The following PCM1 variants were observed in gnomAD, a reference collection of about 807,000 sequenced individuals.
PCM1 encodes pericentriolar material 1.
A neutral mutation model predicts 241.9 loss-of-function variants in PCM1; 157 were observed. The ratio of observed to expected loss-of-function variants is 0.65; its 90% confidence interval spans 0.57 to 0.74. The LOEUF (loss-of-function observed/expected upper bound fraction) is 0.74. Ranked by LOEUF, PCM1 falls within the 30% of genes least tolerant of loss-of-function variation. The pLI is 0.00. For missense variants in PCM1, 3,478 were observed against 2,360.1 expected (o/e 1.47, Z -9.81); for synonymous variants, 1,085 against 784.9 (o/e 1.38, Z -6.39).
At chr8:17,937,413 C>T in intron 4 of PCM1, 34 bp downstream of exon 4, 1 of 1,492,016 alleles carries the variant, frequency 6.7e-7, no homozygotes. Context: ...GAAGCTATTA[C>T]TGTGAGAAAT....
rs762365324 is a variant in PCM1, at chr8:17,980,775, G to A, written c.4108+20G>A. 4 of 1,571,792 alleles carry A rather than the reference G, an allele frequency of 2.5e-6. No homozygotes were observed. The South Asian group carries it at 4.6e-5, about 18-fold the overall frequency. Reference sequence around the variant, plus strand: ...CTTCAGGTATGTTCTTTTTTGGTTTGCATTAATATAAGGAGGTTTTCAGCT... The same window carrying A: ...CTTCAGGTATGTTCTTTTTTGGTTTACATTAATATAAGGAGGTTTTCAGCT... On this transcript the variant is annotated intron_variant, in intron 24 of 38. Coordinates refer to ENST00000325083, the MANE Select transcript of PCM1 (RefSeq NM_006197.4).
intron 21 of PCM1, 54 bp downstream of exon 21, chr8:17,967,224 C>T (rs73571766): frequency 0.023 from 29,429 of 1,290,444 alleles, 555 homozygotes; most frequent in African/African-American, 0.062. Context: ...TTTGGAACAA[C>T]GTAATTTGTC....
chr8:17,991,072 C>T (rs1015277748), intron 27 of PCM1, among the ~76,000 whole-genome samples: 5 of 151,422 alleles, frequency 3.3e-5, no homozygotes, highest in African/African-American at 1.2e-4. Flanking sequence ...TACAAACCTG[C>T]ACCAGTAGCT....
In PCM1 at chr8:18,029,291, A is replaced by T. The variant is rs2094402344; in HGVS notation, c.*1629A>T. The T allele has an allele frequency of 4.6e-6, 1 of 216,132 alleles. No homozygotes were observed. The highest frequency in any genetic ancestry group is 1.9e-4 in the South Asian group (1 of 5,388). The allele number at this position is 216,132 out of a possible 1,614,324, so 13.4% of individuals were successfully genotyped here. A position where few individuals can be genotyped will look rare whatever the true frequency, so the allele number is the denominator to read the frequency against. ...CTACTTAAATTATGGAAGACAATAT[A>T]TCTTCAACTTTAATAAAACCTATTC... On this transcript the variant is annotated 3_prime_UTR_variant, in exon 39 of 39. Transcript: ENST00000325083.
intron 29 of PCM1, among the ~76,000 whole-genome samples, chr8:17,997,103 A>G (rs765325001): frequency 1.3e-5 from 2 of 151,800 alleles, no homozygotes; most frequent in Non-Finnish European, 2.9e-5. Context: ...GAAATCCCTC[A>G]GCTTTTGTCT....
chr8:17,926,015 C>A (rs2056812094), intron 2 of PCM1: 1 of 147,436 alleles, frequency 6.8e-6, no homozygotes, highest in African/African-American at 2.5e-5. Context: ...TTTTTTTAAA[C>A]TGGAAGACTA....
chr8:18,019,065 TTC>T (rs2093549339), intron 36 of PCM1, among the ~76,000 whole-genome samples: 1 of 151,184 alleles, frequency 6.6e-6, no homozygotes, highest in South Asian at 2.1e-4. Flanking sequence ...AGTGTAATCT[TTC>T]TTTCCTCTGC....
chr8:18,020,703 ATTCT>A (rs1190856847), intron 36 of PCM1, among the ~76,000 whole-genome samples: 3 of 152,242 alleles, frequency 2.0e-5, no homozygotes, highest in Non-Finnish European at 4.4e-5. Context: ...AGAAAAGGGA[ATTCT>A]TTCTCAGTTT....
intron 36 of PCM1, among the ~76,000 whole-genome samples, chr8:18,024,053 A>T (rs1384905738): frequency 7.9e-5 from 12 of 152,232 alleles, no homozygotes; most frequent in Non-Finnish European, 2.9e-5. Context: ...AACCCCCATA[A>T]AACAAAGGCC....
chr8:18,021,696 G>GTATC (rs2093767463), intron 36 of PCM1, among the ~76,000 whole-genome samples: 2 of 152,170 alleles, frequency 1.3e-5, no homozygotes, highest in South Asian at 4.1e-4. Context: ...TGGACAAATT[G>GTATC]TATCTTGAAA....
At chr8:17,981,888 C>G (rs1302832260) in intron 24 of PCM1, among the ~76,000 whole-genome samples, 1 of 123,750 alleles carries the variant, frequency 8.1e-6, no homozygotes, top group Non-Finnish European at 1.7e-5. Context: ...GTAATCCATC[C>G]TAAGAAGACA....
chr8:18,010,268 C>G (rs1217195870), intron 31 of PCM1, among the ~76,000 whole-genome samples: 1 of 152,146 alleles, frequency 6.6e-6, no homozygotes, highest in Admixed American at 6.5e-5. Flanking sequence ...GAAGCCTTTT[C>G]CCTAGATGTG....
At position 17,956,698 on chromosome 8, in the gene PCM1, GA is replaced by G; in HGVS notation, c.1571del (p.Asn524ThrfsTer30). ...AGACATGATGACAGATGCTGTGAATGAAAACAGGAAAGATGAAGAAACTGAA... is the reference window on the plus strand; with the variant it reads ...AGACATGATGACAGATGCTGTGAATGAAACAGGAAAGATGAAGAAACTGAA... ...TSDMMTDAVN[E>X]NRKDEETEES... On this transcript the variant is annotated frameshift_variant, in exon 11 of 39. Transcript: ENST00000325083. LOFTEE classifies it high-confidence loss of function. The G allele has an allele frequency of 1.2e-6, 2 of 1,605,268 alleles. No individual in the cohort carries two copies. The highest frequency in any genetic ancestry group is 1.7e-6 in the Non-Finnish European group (2 of 1,174,186).
chr8:17,991,592 G>T lies in PCM1; in HGVS notation c.4582G>T (p.Glu1528Ter). 1 of 1,599,186 alleles carries T rather than the reference G, an allele frequency of 6.3e-7. No individual in the cohort carries two copies. Among genetic ancestry groups the T allele is most frequent in the South Asian group, 1.1e-5 (1 of 88,146 alleles). The change falls in exon 28 of 39, where the codon GAG becomes TAG. Residue 1528 changes from glutamate to a stop codon, truncating the protein, a stop_gained. Transcript: ENST00000325083. LOFTEE classifies it high-confidence loss of function. ...AGCATTAGCCAGAATGAGAGAATAT[G>T]AGCGTATGAAGACTGAGGCTGAAAG... ...DQALARMREY[E>*]RMKTEAESNS...
chr8:17,963,020 G>T, intron 16 of PCM1, 81 bp from the exon 17 acceptor site: 1 of 942,802 alleles, frequency 1.1e-6, no homozygotes, highest in South Asian at 1.6e-5. Context: ...TGTTGATACT[G>T]ACAATACTAG....
At chr8:17,966,631 C>G (rs1043962950) in intron 20 of PCM1, among the ~76,000 whole-genome samples, 158 bp downstream of exon 20, 3 of 152,154 alleles carry the variant, frequency 2.0e-5, no homozygotes, top group Admixed American at 6.5e-5. Context: ...CTAATGTTTC[C>G]TTTTAATACC....
Position 17,963,206 on chromosome 8 carries a change from G to T in PCM1, c.2569G>T (p.Ala857Ser). 6.2e-7 allele frequency: 1 copy of T among 1,613,720 alleles called. No homozygotes were observed. The highest frequency in any genetic ancestry group is 1.1e-5 in the South Asian group (1 of 91,030). ...MAEHQRRQGL[A>S]ETASPVAVSL... Reference sequence around the variant, plus strand: ...TGAACATCAGAGGAGGCAAGGTCTAGCTGAAACTGCATCTCCAGTGGCTGT... The same window carrying T: ...TGAACATCAGAGGAGGCAAGGTCTATCTGAAACTGCATCTCCAGTGGCTGT... Residue 857 changes from alanine to serine, a missense_variant, in exon 17 of 39, where the codon GCT (alanine) becomes TCT (serine). By Grantham distance (99) the Ala-to-Ser change is moderately conservative. Coordinates refer to ENST00000325083, the MANE Select transcript of PCM1 (RefSeq NM_006197.4).
chr8:17,972,646 A>G lies in PCM1; in HGVS notation c.3902A>G (p.Lys1301Arg), dbSNP rs766852081. The change falls in exon 23 of 39, where the codon AAG (lysine) becomes AGG (arginine). Residue 1301 changes from lysine (K) to arginine (R), a missense_variant. By Grantham distance (26) the Lys-to-Arg change is conservative. Coordinates refer to ENST00000325083, the MANE Select transcript of PCM1 (RefSeq NM_006197.4). ...KDKTPKSKSK[K>R]RNSTQLKSRV... ...AAAACTCCCAAGTCAAAAAGTAAGA[A>G]GAGGAATTCTACTCAGCTGAAAAGC... 1.3e-6 allele frequency: 2 copies of G among 1,581,560 alleles called. No individual in the cohort carries two copies. Among genetic ancestry groups the G allele is most frequent in the South Asian group, 1.2e-5 (1 of 84,680 alleles).
At chr8:17,927,016 T>G (rs1191320302) in intron 2 of PCM1, 2 of 152,146 alleles carry the variant, frequency 1.3e-5, no homozygotes, top group Non-Finnish European at 2.9e-5. Context: ...CATGCGCCAG[T>G]TACTGTCAGG....
Sources: gnomAD v4.1 joint callset for allele counts (sites outside exome capture counted in the v4.1 genomes callset) on GRCh38, gnomAD v4.1.1 for gene constraint, MANE v1.5 for transcripts, NCBI Gene and HGNC (gene_info 2026-07-23, HGNC 2026-07-21) for gene names.